CEBPZ: variants seen among roughly 807,000 people sequenced by gnomAD.
CEBPZ encodes CCAAT/enhancer-binding protein zeta.
A neutral mutation model predicts 104.5 loss-of-function variants in CEBPZ; 78 were observed. The observed-to-expected ratio is 0.75, with a 90% CI of 0.62 to 0.90. The LOEUF (loss-of-function observed/expected upper bound fraction) is 0.90. CEBPZ is among the 40% of genes least tolerant of loss of function. CEBPZ has a pLI of 0.00. For missense variants in CEBPZ, 1,439 were observed against 1,233.5 expected (o/e 1.17, Z -2.50); for synonymous variants, 470 against 427.0 (o/e 1.10, Z -1.24).
At chr2:37,213,060 A>C (rs1036980146) in intron 10 of CEBPZ, among the ~76,000 whole-genome samples, 2 of 151,544 alleles carry the variant, frequency 1.3e-5, no homozygotes, top group African/African-American at 4.8e-5. Flanking sequence ...AAACAAACAA[A>C]CCCCCCAAAA....
intron 10 of CEBPZ, chr2:37,213,536 C>A: frequency 5.7e-6 from 1 of 176,116 alleles, no homozygotes; most frequent in South Asian, 1.2e-4. Flanking sequence ...CTCTGCTTCT[C>A]GAGTAGCTGG....
intron 1 of CEBPZ, among the ~76,000 whole-genome samples, chr2:37,229,254 C>A (rs909345999): frequency 6.6e-6 from 1 of 151,428 alleles, no homozygotes; most frequent in Non-Finnish European, 1.5e-5. Flanking sequence ...CTTTTTATTT[C>A]GATATAGGAA....
intron 1 of CEBPZ, among the ~76,000 whole-genome samples, chr2:37,230,868 T>C (rs920461307): frequency 4.6e-5 from 7 of 152,218 alleles, no homozygotes; most frequent in Admixed American, 2.0e-4. Flanking sequence ...TTGTCGATCA[T>C]CTCATTTAAT....
chr2:37,212,477 C>T, intron 10 of CEBPZ, 85 bp from the exon 11 acceptor site: 4 of 1,152,944 alleles, frequency 3.5e-6, no homozygotes, highest in Non-Finnish European at 5.1e-6. Context: ...TATTCTAAGT[C>T]ATGATTCTGC....
Position 37,217,008 on chromosome 2 carries a change from G to C in CEBPZ, c.2184C>G (p.Ala728=), listed in dbSNP as rs546448925. 6 of 1,612,534 alleles carry C rather than the reference G, an allele frequency of 3.7e-6. 1 individual carries two copies. The highest frequency in any genetic ancestry group is 5.1e-6 in the Non-Finnish European group (6 of 1,178,950). The change falls in exon 6 of 16, where the codon GCC becomes GCG. Residue 728 remains alanine, a synonymous_variant. Coordinates refer to ENST00000234170, the MANE Select transcript of CEBPZ (RefSeq NM_005760.3). ...CCTGAAGGATGGTCTTTGCAAAAAG[G>C]GCCACGGAGGGATGAAAATGCACAG... ...KLSVHFHPSV[A]LFAKTILQGN...
intron 14 of CEBPZ, 22 bp downstream of exon 14, chr2:37,202,928 T>G: frequency 6.3e-7 from 1 of 1,595,638 alleles, no homozygotes; most frequent in Non-Finnish European, 8.5e-7. Flanking sequence ...GCTAGCTTGT[T>G]AAAACAGTAC....
intron 13 of CEBPZ, chr2:37,208,861 C>A (rs190020797): frequency 1.3e-5 from 2 of 151,854 alleles, no homozygotes; most frequent in South Asian, 2.1e-4. Flanking sequence ...CACTATTCAC[C>A]GATGATATGA....
intron 2 of CEBPZ, among the ~76,000 whole-genome samples, chr2:37,224,530 C>G (rs1664840373): frequency 1.3e-5 from 2 of 151,790 alleles, no homozygotes; most frequent in South Asian, 4.2e-4. Flanking sequence ...CTGGGATATT[C>G]TGGATTATTC....
chr2:37,219,755 A>T (rs1664722857), intron 5 of CEBPZ, among the ~76,000 whole-genome samples: 1 of 152,196 alleles, frequency 6.6e-6, no homozygotes, highest in African/African-American at 2.4e-5. Context: ...TACTTGCAAA[A>T]AATTTTATCA....
intron 15 of CEBPZ, 34 bp from the exon 16 acceptor site, chr2:37,201,937 C>T (rs745537375): frequency 6.3e-7 from 1 of 1,596,974 alleles, no homozygotes; most frequent in Admixed American, 1.8e-5. Context: ...AGTGTACTAC[C>T]ACACTGTAGA....
Position 37,220,315 on chromosome 2 carries a change from C to CAA in CEBPZ, c.2154+68_2154+69dup, listed in dbSNP as rs376111470. ...CTGGTGACAGAGGAAGACTCTGTCT[C>CAA]AAAAAAAAAAAAAATATATATATAT... is the stretch of plus-strand genomic sequence containing the variant. On this transcript the variant is annotated intron_variant, in intron 5 of 15. Coordinates refer to ENST00000234170, the MANE Select transcript of CEBPZ (RefSeq NM_005760.3). The CAA allele has an allele frequency of 4.6e-3, 1,669 of 362,062 alleles. 33 individuals carry two copies. Among genetic ancestry groups the CAA allele is most frequent in the African/African-American group, 0.036 (1,402 of 38,518 alleles). 22.4% of individuals were successfully genotyped at this position (362,062 alleles called of 1,614,324 possible).
At chr2:37,223,640 T>G (rs2148360106) in intron 2 of CEBPZ, among the ~76,000 whole-genome samples, 1 of 152,188 alleles carries the variant, frequency 6.6e-6, no homozygotes, top group South Asian at 2.1e-4. Context: ...GAGTGTGTGG[T>G]TTTCTTGTCT....
Position 37,228,570 on chromosome 2 carries a change from A to C in CEBPZ, c.623T>G (p.Leu208Arg). The C allele has an allele frequency of 1.9e-6, 3 of 1,614,216 alleles. No homozygotes were observed. Among genetic ancestry groups the C allele is most frequent in the African/African-American group, 1.3e-5 (1 of 75,056 alleles). The part of the protein sequence containing the change: ...PQDVVSKYKT[L>R]AQKLYQHEIN... ...TTCATGCTGATACAGCTTCTGAGCA[A>C]GGGTTTTGTACTTAGATACAACATC... Residue 208 changes from leucine to arginine, a missense_variant, in exon 2 of 16, where the codon CTT (leucine) becomes CGT (arginine). Physicochemically the swap from Leu to Arg is moderately radical, Grantham distance 102. Coordinates refer to ENST00000234170, the MANE Select transcript of CEBPZ (RefSeq NM_005760.3).
intron 2 of CEBPZ, among the ~76,000 whole-genome samples, chr2:37,224,938 T>C (rs1664847702): frequency 6.6e-6 from 1 of 152,098 alleles, no homozygotes; most frequent in Non-Finnish European, 1.5e-5. Context: ...TGATGTTAAA[T>C]AGAGACAGAA....
intron 2 of CEBPZ, among the ~76,000 whole-genome samples, chr2:37,226,260 G>A (rs942769999): frequency 3.3e-5 from 5 of 152,026 alleles, no homozygotes; most frequent in Non-Finnish European, 7.4e-5. Context: ...ACACCCACAG[G>A]TGTGTAGGGG....
At chr2:37,203,344 A>G (rs1677374767) in intron 13 of CEBPZ, 1 of 165,834 alleles carries the variant, frequency 6.0e-6, no homozygotes, top group South Asian at 2.0e-4. Context: ...GTTTTGAAAT[A>G]CTTAAGACAC....
At chr2:37,204,134 T>G (rs1466306735) in intron 13 of CEBPZ, 1 of 152,152 alleles carries the variant, frequency 6.6e-6, no homozygotes, top group African/African-American at 2.4e-5. Context: ...TTTTTTTGGG[T>G]TTTATTCATC....
intron 13 of CEBPZ, chr2:37,210,727 A>G (rs904285966): frequency 6.2e-6 from 2 of 323,946 alleles, no homozygotes; most frequent in Middle Eastern, 9.5e-4. Context: ...GAACTTACCT[A>G]TGTAACCAAA....
At chr2:37,229,234 C>A (rs898985553) in intron 1 of CEBPZ, among the ~76,000 whole-genome samples, 198 bp from the exon 2 acceptor site, 1 of 151,526 alleles carries the variant, frequency 6.6e-6, no homozygotes, top group East Asian at 1.9e-4. Flanking sequence ...CACACACACA[C>A]GCACACACAC....
Sources: allele counts gnomAD v4.1 joint callset (sites outside exome capture counted in the v4.1 genomes callset), GRCh38; gene constraint gnomAD v4.1.1; transcripts MANE v1.5; gene names NCBI Gene and HGNC (gene_info 2026-07-23, HGNC 2026-07-21).